MLIP: variants seen among roughly 807,000 people sequenced by gnomAD.
The protein encoded by MLIP is muscular LMNA interacting protein.
A neutral mutation model predicts 84.8 loss-of-function variants in MLIP; 79 were observed. The ratio of observed to expected loss-of-function variants is 0.93; its 90% CI spans 0.78 to 1.12. MLIP has a LOEUF of 1.12. Ranked by LOEUF, MLIP falls within the 50% of genes most tolerant of loss-of-function variation. The pLI is 0.00. For synonymous variants in MLIP, 504 were observed against 463.0 expected (o/e 1.09, Z -1.14); for missense variants, 1,257 against 1,160.6 (o/e 1.08, Z -1.21).
intron 1 of MLIP, among the ~76,000 whole-genome samples, chr6:54,034,701 A>T (rs1764329074): frequency 6.6e-6 from 1 of 152,182 alleles, no homozygotes; most frequent in African/African-American, 2.4e-5. Context: ...CATAAAGTAA[A>T]AAAATTAAAG....
intron 11 of MLIP, among the ~76,000 whole-genome samples, chr6:54,220,568 C>G (rs527517644): frequency 6.6e-6 from 1 of 152,214 alleles, no homozygotes; most frequent in South Asian, 2.1e-4. Context: ...CTTTGAAGAT[C>G]TGAAAAAGTG....
In MLIP at chr6:54,084,361, A is replaced by T. The variant is rs570931465; in HGVS notation, c.64-37086A>T. Among the ~76,000 whole-genome samples, 10 of 152,258 alleles carry T rather than the reference A, an allele frequency of 6.6e-5. No homozygotes were observed. The South Asian group carries it at 2.1e-3, about 32-fold the overall frequency. On this transcript the variant is annotated intron_variant, in intron 1 of 12. Transcript: ENST00000274897. ...TGTTTATGGTGCTGAACATGATCAC[A>T]TTTACTGCTGGGTGTGTCAAGCCTA... is the stretch of plus-strand genomic sequence containing the variant.
At chr6:54,251,089 T>C (rs1218660501) in intron 12 of MLIP, among the ~76,000 whole-genome samples, 1 of 152,020 alleles carries the variant, frequency 6.6e-6, no homozygotes, top group Non-Finnish European at 1.5e-5. Flanking sequence ...TAATCAAATA[T>C]GTGGTAAATG....
intron 4 of MLIP, among the ~76,000 whole-genome samples, chr6:54,142,258 G>A (rs1415114689): frequency 2.0e-5 from 3 of 152,186 alleles, no homozygotes; most frequent in African/African-American, 7.2e-5. Context: ...TTCAAAGACA[G>A]TTTATATTCT....
intron 1 of MLIP, among the ~76,000 whole-genome samples, chr6:54,034,097 A>G (rs1015935376): frequency 3.3e-5 from 5 of 152,190 alleles, no homozygotes; most frequent in African/African-American, 1.2e-4. Context: ...AATTTTGACT[A>G]CTTTTTGGGG....
intron 12 of MLIP, among the ~76,000 whole-genome samples, chr6:54,243,291 C>T (rs1249768849): frequency 6.6e-6 from 1 of 152,046 alleles, no homozygotes; most frequent in African/African-American, 2.4e-5. Context: ...GAGGGGGCAG[C>T]AAGCATAGAC....
intron 5 of MLIP, among the ~76,000 whole-genome samples, chr6:54,150,086 T>A (rs1318247454): frequency 6.6e-6 from 1 of 152,172 alleles, no homozygotes; most frequent in Non-Finnish European, 1.5e-5. Context: ...GGTTTATAAA[T>A]CTACATTCTT....
intron 11 of MLIP, among the ~76,000 whole-genome samples, chr6:54,206,134 A>G (rs1432262746): frequency 1.3e-5 from 2 of 152,204 alleles, no homozygotes; most frequent in African/African-American, 4.8e-5. Context: ...CTGACTATTT[A>G]TGAATTTGCA....
At chr6:54,106,906 A>G (rs912855889), upstream of MLIP, among the ~76,000 whole-genome samples, 1 of 152,166 alleles carries the variant, frequency 6.6e-6, no homozygotes, top group African/African-American at 2.4e-5. Flanking sequence ...ATCACCAAGG[A>G]ATGACTCCTG....
At chr6:54,092,433 G>A (rs911050739) in intron 1 of MLIP, among the ~76,000 whole-genome samples, 27 of 152,184 alleles carry the variant, frequency 1.8e-4, no homozygotes, top group African/African-American at 5.8e-4. Context: ...TGTTTGACAG[G>A]CTATTAACAT....
At chr6:54,212,727 A>G (rs2150746271) in intron 11 of MLIP, among the ~76,000 whole-genome samples, 1 of 152,226 alleles carries the variant, frequency 6.6e-6, no homozygotes, top group East Asian at 1.9e-4. Flanking sequence ...TTGAATGACT[A>G]TAATTTTGTT....
At chr6:54,074,031 G>A (rs886932151) in intron 1 of MLIP, among the ~76,000 whole-genome samples, 5 of 152,240 alleles carry the variant, frequency 3.3e-5, no homozygotes, top group African/African-American at 1.2e-4. Context: ...ACTTTTTTGA[G>A]ATTGATTTAT....
chr6:54,086,170 G>T (rs1451954191), intron 1 of MLIP, among the ~76,000 whole-genome samples: 1 of 151,966 alleles, frequency 6.6e-6, no homozygotes, highest in Non-Finnish European at 1.5e-5. Flanking sequence ...TTACTCCTTG[G>T]CTAGGTAATA....
At chr6:54,180,005 G>A (rs1338219428) in intron 9 of MLIP, among the ~76,000 whole-genome samples, 1 of 152,070 alleles carries the variant, frequency 6.6e-6, no homozygotes, top group East Asian at 1.9e-4. Context: ...AAATCCTTCA[G>A]CTTTTGTTTT....
intron 9 of MLIP, among the ~76,000 whole-genome samples, chr6:54,179,793 T>G (rs561796376): frequency 3.8e-4 from 58 of 152,288 alleles, no homozygotes; most frequent in Non-Finnish European, 8.4e-4. Context: ...TATTTTTGAC[T>G]GGTTCATCAT....
intron 1 of MLIP, among the ~76,000 whole-genome samples, chr6:54,096,388 C>T (rs1183485912): frequency 6.6e-6 from 1 of 152,098 alleles, no homozygotes; most frequent in Non-Finnish European, 1.5e-5. Flanking sequence ...AAATGTGGTG[C>T]CCAGATCCCG....
chr6:54,038,993 A>G (rs1582008426), intron 1 of MLIP, among the ~76,000 whole-genome samples: 1 of 151,904 alleles, frequency 6.6e-6, no homozygotes, highest in African/African-American at 2.4e-5. Context: ...AGAGTTTACT[A>G]TTGAGAAATT....
At chr6:54,209,650 C>G (rs556550733) in intron 11 of MLIP, among the ~76,000 whole-genome samples, 1 of 152,124 alleles carries the variant, frequency 6.6e-6, no homozygotes, top group East Asian at 1.9e-4. Context: ...CAATGAGCCT[C>G]TTGAGTTTGT....
intron 9 of MLIP, among the ~76,000 whole-genome samples, chr6:54,172,746 C>CT (rs1775898149): frequency 6.6e-6 from 1 of 150,936 alleles, no homozygotes; most frequent in African/African-American, 2.4e-5. Flanking sequence ...AAAATCAACT[C>CT]AAAATAATGT....
Sources: gnomAD v4.1 joint callset for allele counts (sites outside exome capture counted in the v4.1 genomes callset) on GRCh38, gnomAD v4.1.1 for gene constraint, MANE v1.5 for transcripts, NCBI Gene and HGNC (gene_info 2026-07-23, HGNC 2026-07-21) for gene names.